The following LIPH variants were observed in gnomAD, a reference collection of about 807,000 sequenced individuals.
The protein encoded by LIPH is lipase H, also known as lipase member H.
In LIPH, 32 loss-of-function variants were observed where a neutral mutation model predicts 47.6. That is an observed-to-expected ratio of 0.67 (90% CI 0.51 to 0.90). The LOEUF (loss-of-function observed/expected upper bound fraction) is 0.90. LIPH is among the 40% of genes least tolerant of loss of function. The pLI is 0.00. For synonymous variants in LIPH, 190 were observed against 195.6 expected (o/e 0.97, Z 0.24); for missense variants, 497 against 541.4 (o/e 0.92, Z 0.81).
At chr3:185,515,300 G>A (rs942441423) in intron 7 of LIPH, among the ~76,000 whole-genome samples, 4 of 150,662 alleles carry the variant, frequency 2.7e-5, no homozygotes, top group Non-Finnish European at 4.4e-5. Context: ...TGTCTTATGG[G>A]TTTTTTTAAA....
rs1158464387 is a variant in LIPH, at chr3:185,534,956, G to A, written c.226C>T (p.His76Tyr). 2 of 1,613,896 alleles carry A rather than the reference G, an allele frequency of 1.2e-6. No individual in the cohort carries two copies. The highest frequency in any genetic ancestry group is 1.7e-5 in the Admixed American group (1 of 59,986). Reference sequence around the variant, plus strand: ...GGGGAGCCTGTTGGCCTGAATCCATGGACAATGAAGGTGGTTTTCTTGGTC... The same window carrying A: ...GGGGAGCCTGTTGGCCTGAATCCATAGACAATGAAGGTGGTTTTCTTGGTC... ...NVTKKTTFIV[H>Y]GFRPTGSPPV... Residue 76 changes from histidine (H) to tyrosine (Y), a missense_variant, in exon 2 of 10, where the codon CAT becomes TAT. Coordinates refer to ENST00000296252, the MANE Select transcript of LIPH (RefSeq NM_139248.3).
chr3:185,514,431 G>A lies in LIPH; in HGVS notation c.1073C>T (p.Thr358Ile), dbSNP rs1246690914. 1.3e-6 allele frequency: 2 copies of A among 1,543,278 alleles called. No homozygotes were observed. The highest frequency in any genetic ancestry group is 2.7e-5 in the African/African-American group (2 of 73,602). ...TTACTGATTGATTTTGGATTCTGTGGTGTTTCCAGCTTTGTCTCTCAATTT... is the reference window on the plus strand; with the variant it reads ...TTACTGATTGATTTTGGATTCTGTGATGTTTCCAGCTTTGTCTCTCAATTT... ...TIKLRDKAGN[T>I]TESKINHEPT... The change falls in exon 8 of 10, where the codon ACC becomes ATC. Residue 358 changes from threonine (T) to isoleucine (I), a missense_variant. Transcript: ENST00000296252.
intron 1 of LIPH, among the ~76,000 whole-genome samples, chr3:185,536,173 T>C (rs1720497640): frequency 6.6e-6 from 1 of 152,146 alleles, no homozygotes; most frequent in African/African-American, 2.4e-5. Flanking sequence ...TAGAACACAA[T>C]CTCTTTGAAA....
At chr3:185,520,109 A>G (rs1026035381) in intron 5 of LIPH, among the ~76,000 whole-genome samples, 2 of 152,194 alleles carry the variant, frequency 1.3e-5, no homozygotes, top group Non-Finnish European at 2.9e-5. Context: ...GGGCTACTTC[A>G]GACTACAAAG....
At chr3:185,539,778 T>A (rs1304482773) in intron 1 of LIPH, among the ~76,000 whole-genome samples, 1 of 152,224 alleles carries the variant, frequency 6.6e-6, no homozygotes, top group Non-Finnish European at 1.5e-5. Context: ...TTTATTGGCA[T>A]AACATATACT....
intron 9 of LIPH, among the ~76,000 whole-genome samples, chr3:185,509,390 A>G (rs1719484267): frequency 6.6e-6 from 1 of 152,080 alleles, no homozygotes; most frequent in Non-Finnish European, 1.5e-5. Context: ...GCACTTTGGG[A>G]GGCCAAGGCG....
chr3:185,519,246 T>C lies in LIPH; in HGVS notation c.782A>G (p.Glu261Gly), dbSNP rs1395527179. Residue 261 changes from glutamate (E) to glycine (G), a missense_variant, in exon 6 of 10, where the codon GAG becomes GGG. Transcript: ENST00000296252. ...SVYLYLSSLR[E>G]SCTITAYPCD... ...GGGATACGCAGTGATGGTGCAGCTC[T>C]CTCTCAGGGAAGACAGGTACAGGTA... is the stretch of plus-strand genomic sequence containing the variant. 6.2e-7 allele frequency: 1 copy of C among 1,612,646 alleles called. No homozygotes were observed. Among genetic ancestry groups the C allele is most frequent in the Admixed American group, 1.7e-5 (1 of 60,022 alleles).
chr3:185,524,704 C>T (rs982510486), intron 4 of LIPH, among the ~76,000 whole-genome samples: 2 of 152,130 alleles, frequency 1.3e-5, no homozygotes, highest in African/African-American at 2.4e-5. Context: ...CCGCCTCGGC[C>T]TCCCAAAGCG....
At chr3:185,522,648 GA>G (rs754998512) in intron 5 of LIPH, among the ~76,000 whole-genome samples, 2 of 77,760 alleles carry the variant, frequency 2.6e-5, no homozygotes, top group East Asian at 3.3e-4. Flanking sequence ...AAGAGAGAAA[GA>G]AAAAGAAAGA....
chr3:185,545,595 A>G (rs949255893), intron 1 of LIPH, among the ~76,000 whole-genome samples: 2 of 152,232 alleles, frequency 1.3e-5, no homozygotes, highest in African/African-American at 4.8e-5. Flanking sequence ...TGTCCTAAAT[A>G]CAAATACAGG....
chr3:185,552,457 G>C lies in LIPH; in HGVS notation c.15C>G (p.Tyr5Ter). MLRF[Y>*]LFISLLCLSR... is the part of the protein sequence containing the mutation. ...ACAAGCACAACAAACTGATGAATAA[G>C]TAGAATCTCAACATATGGAAACTGG... The change falls in exon 1 of 10, where the codon TAC (tyrosine) becomes TAG (stop). Residue 5 changes from tyrosine to a stop codon, truncating the protein, a stop_gained. Transcript: ENST00000296252. LOFTEE classifies it high-confidence loss of function. 1 of 1,608,538 alleles carries C rather than the reference G, an allele frequency of 6.2e-7. No homozygotes were observed. Among genetic ancestry groups the C allele is most frequent in the Non-Finnish European group, 8.5e-7 (1 of 1,174,966 alleles).
chr3:185,531,157 G>A (rs773176938), intron 3 of LIPH, among the ~76,000 whole-genome samples: 5 of 152,146 alleles, frequency 3.3e-5, no homozygotes, highest in African/African-American at 7.2e-5. Flanking sequence ...CAAACCTAGC[G>A]CTAACCAGCT....
chr3:185,525,203 C>A (rs993993107), intron 4 of LIPH, among the ~76,000 whole-genome samples: 3 of 151,828 alleles, frequency 2.0e-5, no homozygotes, highest in Admixed American at 6.6e-5. Context: ...CAGAGACAGA[C>A]CCTGTCTTAA....
intron 1 of LIPH, among the ~76,000 whole-genome samples, chr3:185,537,194 A>G (rs1349396269): frequency 6.6e-6 from 1 of 152,036 alleles, no homozygotes; most frequent in Admixed American, 6.6e-5. Flanking sequence ...CAAGCCTGCC[A>G]TTTTAAATAA....
intron 4 of LIPH, among the ~76,000 whole-genome samples, chr3:185,526,486 A>C (rs913792157): frequency 6.6e-6 from 1 of 151,338 alleles, no homozygotes; most frequent in African/African-American, 2.4e-5. Flanking sequence ...ACGCCACTGC[A>C]CTCCAGCCTG....
intron 7 of LIPH, among the ~76,000 whole-genome samples, chr3:185,516,561 GC>G (rs1417716986): frequency 2.0e-5 from 3 of 152,166 alleles, no homozygotes; most frequent in South Asian, 2.1e-4. Flanking sequence ...ATCATTGGCT[GC>G]CCCCTTTAAT....
chr3:185,540,968 C>T (rs1311036998), intron 1 of LIPH, among the ~76,000 whole-genome samples: 1 of 152,194 alleles, frequency 6.6e-6, no homozygotes, highest in Non-Finnish European at 1.5e-5. Context: ...GTCAGAACAG[C>T]TCTTTCCTGA....
intron 1 of LIPH, among the ~76,000 whole-genome samples, chr3:185,552,090 C>G (rs1577696731): frequency 1.3e-5 from 2 of 151,924 alleles, no homozygotes; most frequent in Middle Eastern, 3.5e-3. Flanking sequence ...TAGAAAGGCA[C>G]AGATAAATAG....
intron 1 of LIPH, among the ~76,000 whole-genome samples, chr3:185,539,681 G>C (rs1720641701): frequency 6.6e-6 from 1 of 152,006 alleles, no homozygotes; most frequent in South Asian, 2.1e-4. Flanking sequence ...GCATTTTACG[G>C]ATCTTATATA....
Sources: allele counts gnomAD v4.1 joint callset (sites outside exome capture counted in the v4.1 genomes callset), GRCh38; gene constraint gnomAD v4.1.1; transcripts MANE v1.5; gene names NCBI Gene and HGNC (gene_info 2026-07-23, HGNC 2026-07-21).